Variants in C10orf67 observed in about 807,000 individuals in gnomAD.
The protein encoded by C10orf67 is chromosome 10 open reading frame 67.
C10orf67 carries 60 observed loss-of-function variants against 35.6 expected under a neutral mutation model. That is an observed-to-expected ratio of 1.68 (90% CI 1.37 to 2.09). The LOEUF is 2.09. C10orf67 is among the 30% of genes most tolerant of loss of function. The pLI, the probability that C10orf67 is intolerant of heterozygous loss-of-function variation, is 0.00. For synonymous variants in C10orf67, 167 were observed against 115.8 expected, an observed-to-expected ratio of 1.44 and a Z score of -2.84; for missense variants, 474 against 330.2, an observed-to-expected ratio of 1.44 and a Z score of -3.38.
At chr10:23,333,843 T>C (rs1845569757) in intron 1 of C10orf67, among the ~76,000 whole-genome samples, 1 of 152,164 alleles carries the variant, frequency 6.6e-6, no homozygotes, top group South Asian at 2.1e-4. Flanking sequence ...TAAAATATGC[T>C]ATTTCCAGCT....
chr10:23,220,019 G>A (rs1427127624), intron 15 of C10orf67, among the ~76,000 whole-genome samples: 2 of 151,966 alleles, frequency 1.3e-5, no homozygotes, highest in African/African-American at 2.4e-5. Flanking sequence ...AAAAAATAAA[G>A]AAATTAGCTT....
At chr10:23,246,241 TA>T (rs2132149682) in intron 12 of C10orf67, among the ~76,000 whole-genome samples, 2 of 152,254 alleles carry the variant, frequency 1.3e-5, no homozygotes, top group Non-Finnish European at 2.9e-5. Context: ...AAAAACTACC[TA>T]TCAGGTACTA....
intron 8 of C10orf67, among the ~76,000 whole-genome samples, chr10:23,276,663 G>A (rs192913062): frequency 1.9e-3 from 286 of 151,982 alleles, no homozygotes; most frequent in Non-Finnish European, 3.3e-3. Context: ...ACATTCTAGA[G>A]GTATGTATGC....
intron 13 of C10orf67, among the ~76,000 whole-genome samples, chr10:23,226,343 G>C (rs1023283569): frequency 2.0e-5 from 3 of 151,984 alleles, no homozygotes; most frequent in South Asian, 2.1e-4. Context: ...ATGACTACTG[G>C]GTACATAACA....
intron 7 of C10orf67, among the ~76,000 whole-genome samples, chr10:23,286,682 A>G (rs920236786): frequency 5.3e-5 from 8 of 151,804 alleles, no homozygotes; most frequent in African/African-American, 1.9e-4. Flanking sequence ...GGAGGAATGG[A>G]AAAACTGGTG....
intron 6 of C10orf67, among the ~76,000 whole-genome samples, chr10:23,290,392 T>C (rs973038790): frequency 2.6e-5 from 4 of 152,218 alleles, no homozygotes; most frequent in Admixed American, 6.5e-5. Flanking sequence ...TAATATAATA[T>C]ATCTCATTTT....
intron 8 of C10orf67, among the ~76,000 whole-genome samples, chr10:23,275,304 T>C (rs1399749118): frequency 6.6e-6 from 1 of 152,130 alleles, no homozygotes; most frequent in Non-Finnish European, 1.5e-5. Context: ...ATGCAACCTA[T>C]CAAGATCGCA....
intron 5 of C10orf67, among the ~76,000 whole-genome samples, chr10:23,300,778 G>T (rs143259430): frequency 2.3e-4 from 35 of 152,232 alleles, no homozygotes; most frequent in Admixed American, 7.2e-4. Context: ...TCCCAGTGAG[G>T]GTCTACACTG....
At chr10:23,313,082 C>T (rs1396922276) in intron 4 of C10orf67, among the ~76,000 whole-genome samples, 2 of 152,204 alleles carry the variant, frequency 1.3e-5, no homozygotes, top group Non-Finnish European at 2.9e-5. Flanking sequence ...CCCCATCTCC[C>T]CCAAATATTC....
chr10:23,232,680 C>T (rs1041324131), intron 13 of C10orf67, among the ~76,000 whole-genome samples: 2 of 152,050 alleles, frequency 1.3e-5, no homozygotes, highest in African/African-American at 2.4e-5. Context: ...CTTCAGGAAA[C>T]TTTGAAGGGA....
At chr10:23,246,195 A>G (rs1438261794) in intron 12 of C10orf67, among the ~76,000 whole-genome samples, 4 of 152,102 alleles carry the variant, frequency 2.6e-5, no homozygotes, top group Non-Finnish European at 5.9e-5. Context: ...ATCAGGGCCT[A>G]TTTGAGGGTG....
At chr10:23,231,263 G>A (rs1280392128) in intron 13 of C10orf67, among the ~76,000 whole-genome samples, 3 of 152,142 alleles carry the variant, frequency 2.0e-5, no homozygotes, top group African/African-American at 7.2e-5. Flanking sequence ...CTAGGTCTAG[G>A]ATCAGACCTG....
At chr10:23,220,471 T>C (rs1468835503) in intron 15 of C10orf67, among the ~76,000 whole-genome samples, 3 of 152,206 alleles carry the variant, frequency 2.0e-5, no homozygotes, top group African/African-American at 7.2e-5. Context: ...GAAAGCTCTG[T>C]CAGCCTCCAA....
intron 12 of C10orf67, among the ~76,000 whole-genome samples, chr10:23,247,949 G>C (rs533142028): frequency 6.6e-6 from 1 of 152,256 alleles, no homozygotes; most frequent in Non-Finnish European, 1.5e-5. Context: ...GTTTACAGAG[G>C]GTTCCAAGGT....
chr10:23,305,526 A>AT lies in C10orf67; in HGVS notation c.547-2068dup, dbSNP rs1211706252. 3.3e-5 allele frequency among the ~76,000 whole-genome samples: 5 copies of AT among 152,250 alleles called. 1 individual carries two copies. Among genetic ancestry groups the AT allele is most frequent in the African/African-American group, 1.2e-4 (5 of 41,536 alleles). On this transcript the variant is annotated intron_variant, in intron 4 of 15. Transcript: ENST00000636213. ...AAAATGGGCCAAGGCCTAAATAAAC[A>AT]TTTTTCCAAAGATGATATACAAATG...
chr10:23,222,451 C>T (rs879507044), intron 15 of C10orf67, among the ~76,000 whole-genome samples: 3 of 152,082 alleles, frequency 2.0e-5, no homozygotes, highest in Non-Finnish European at 2.9e-5. Context: ...AAGAGCTAAA[C>T]ATTGGGTACA....
chr10:23,267,383 G>A (rs1842912427), intron 8 of C10orf67, 129 bp from the exon 9 acceptor site: 1 of 524,716 alleles, frequency 1.9e-6, no homozygotes. Context: ...ACGATTATGG[G>A]ATAAAAGTTA....
intron 13 of C10orf67, among the ~76,000 whole-genome samples, chr10:23,237,134 A>G (rs1842070598): frequency 6.6e-6 from 1 of 152,042 alleles, no homozygotes; most frequent in South Asian, 2.1e-4. Context: ...AACATGTGGT[A>G]TTTGGTTTTC....
chr10:23,223,079 A>AC (rs1554803126), intron 15 of C10orf67, among the ~76,000 whole-genome samples: 1 of 149,704 alleles, frequency 6.7e-6, no homozygotes, highest in African/African-American at 2.4e-5. Context: ...AAGTATAACT[A>AC]TTTTTTTTTT....
Sources: gnomAD v4.1 joint callset for allele counts (sites outside exome capture counted in the v4.1 genomes callset) on GRCh38, gnomAD v4.1.1 for gene constraint, MANE v1.5 for transcripts, NCBI Gene and HGNC (gene_info 2026-07-23, HGNC 2026-07-21) for gene names.